Variants in PTPRD observed in about 807,000 individuals in gnomAD.
PTPRD encodes the protein protein tyrosine phosphatase receptor type D.
In PTPRD, 34 loss-of-function variants were observed where a neutral mutation model predicts 214.5. The ratio of observed to expected loss-of-function variants is 0.16; its 90% CI spans 0.12 to 0.21. The LOEUF is 0.21. PTPRD is among the 10% of genes least tolerant of loss of function. The probability of loss-of-function intolerance (pLI) is 1.00; values close to 1 mark genes in which losing one functional copy is unlikely to be tolerated. For missense variants in PTPRD, 2,545 were observed against 2,398.7 expected, an observed-to-expected ratio of 1.06 and a Z score of -1.27; for synonymous variants, 1,128 against 845.7, an observed-to-expected ratio of 1.33 and a Z score of -5.79.
intron 3 of PTPRD, among the ~76,000 whole-genome samples, chr9:10,105,833 C>A (rs897110098): frequency 6.6e-6 from 1 of 151,456 alleles, no homozygotes; most frequent in Non-Finnish European, 1.5e-5. Flanking sequence ...GATTTCAGGA[C>A]CCCTGCAATA....
intron 7 of PTPRD, among the ~76,000 whole-genome samples, chr9:9,606,826 C>T (rs1246699084): frequency 6.6e-6 from 1 of 151,650 alleles, no homozygotes; most frequent in African/African-American, 2.4e-5. Context: ...GATCATCAAG[C>T]ACACACAGAT....
At chr9:9,885,564 G>A (rs1326547214) in intron 5 of PTPRD, among the ~76,000 whole-genome samples, 1 of 152,012 alleles carries the variant, frequency 6.6e-6, no homozygotes, top group Non-Finnish European at 1.5e-5. Flanking sequence ...GAGATGGGGG[G>A]ACTAGTCTGA....
intron 4 of PTPRD, among the ~76,000 whole-genome samples, chr9:10,017,018 G>A (rs1359534880): frequency 6.6e-6 from 1 of 152,076 alleles, no homozygotes; most frequent in African/African-American, 2.4e-5. Context: ...TTGTGTCACG[G>A]TTGAAACACC....
At chr9:9,741,803 G>A (rs2098405991) in intron 6 of PTPRD, among the ~76,000 whole-genome samples, 2 of 152,216 alleles carry the variant, frequency 1.3e-5, no homozygotes, top group East Asian at 1.9e-4. Context: ...TTTTATGGCT[G>A]CATAGTATTC....
intron 9 of PTPRD, among the ~76,000 whole-genome samples, chr9:9,202,698 C>T (rs543809452): frequency 6.6e-6 from 1 of 152,126 alleles, no homozygotes; most frequent in South Asian, 2.1e-4. Flanking sequence ...AAAATATGTT[C>T]CTACCAAATG....
At chr9:10,485,395 G>C (rs1589232279) in intron 2 of PTPRD, among the ~76,000 whole-genome samples, 1 of 151,964 alleles carries the variant, frequency 6.6e-6, no homozygotes, top group Non-Finnish European at 1.5e-5. Context: ...ATTTCTATGA[G>C]AAATGTCATT....
chr9:10,502,770 T>G (rs182313559), intron 2 of PTPRD, among the ~76,000 whole-genome samples: 1 of 152,048 alleles, frequency 6.6e-6, no homozygotes, highest in Non-Finnish European at 1.5e-5. Context: ...AAGAAACCAG[T>G]TGACCCATAA....
At chr9:8,512,446 C>G (rs1031676822) in intron 21 of PTPRD, among the ~76,000 whole-genome samples, 2 of 151,968 alleles carry the variant, frequency 1.3e-5, no homozygotes, top group African/African-American at 4.8e-5. Flanking sequence ...GGACTCATAA[C>G]TTTGGTTATT....
chr9:9,575,642 C>T (rs2088271244), intron 7 of PTPRD, among the ~76,000 whole-genome samples: 1 of 140,284 alleles, frequency 7.1e-6, no homozygotes, highest in Admixed American at 8.0e-5. Context: ...ATCACTGGAA[C>T]CCGGGAGGTG....
At chr9:10,230,860 C>G (rs140468360) in intron 3 of PTPRD, among the ~76,000 whole-genome samples, 1 of 151,984 alleles carries the variant, frequency 6.6e-6, no homozygotes, top group African/African-American at 2.4e-5. Flanking sequence ...GGAGCACTGT[C>G]CAGCCCAGAG....
intron 11 of PTPRD, among the ~76,000 whole-genome samples, chr9:8,771,111 G>C (rs1372380343): frequency 6.7e-6 from 1 of 149,460 alleles, no homozygotes; most frequent in African/African-American, 2.5e-5. Flanking sequence ...AACCTGGGAG[G>C]CAGAGCTTGC....
chr9:10,283,898 T>C (rs1355784982), intron 3 of PTPRD, among the ~76,000 whole-genome samples: 1 of 152,174 alleles, frequency 6.6e-6, no homozygotes, highest in Non-Finnish European at 1.5e-5. Context: ...AAGTCCTATA[T>C]GTTGCACCAT....
At chr9:8,493,165 T>A (rs1375049763) in intron 26 of PTPRD, among the ~76,000 whole-genome samples, 186 bp from the exon 27 acceptor site, 2 of 152,312 alleles carry the variant, frequency 1.3e-5, no homozygotes, top group South Asian at 4.1e-4. Context: ...CGAAGGGGCA[T>A]CTTCAGGCAT....
chr9:8,791,312 G>T (rs1012034460), intron 11 of PTPRD, among the ~76,000 whole-genome samples: 1 of 151,720 alleles, frequency 6.6e-6, no homozygotes, highest in African/African-American at 2.4e-5. Flanking sequence ...TGCAAACTCC[G>T]CCTCCCAGGT....
intron 10 of PTPRD, among the ~76,000 whole-genome samples, chr9:9,086,285 A>C (rs983059055): frequency 3.3e-5 from 5 of 152,164 alleles, no homozygotes; most frequent in African/African-American, 4.8e-5. Flanking sequence ...TGAGAAGCAT[A>C]GTAGTTTTAG....
chr9:9,540,924 A>G (rs1371203422), intron 8 of PTPRD, among the ~76,000 whole-genome samples: 1 of 151,898 alleles, frequency 6.6e-6, no homozygotes, highest in Admixed American at 6.6e-5. Flanking sequence ...ACTAAGAACA[A>G]TAGATAAGCT....
chr9:8,760,577 T>C (rs1565859228), intron 11 of PTPRD, among the ~76,000 whole-genome samples: 1 of 151,510 alleles, frequency 6.6e-6, no homozygotes, highest in East Asian at 1.9e-4. Flanking sequence ...ATTTTCTCTC[T>C]CCCTTGCTCC....
intron 37 of PTPRD, among the ~76,000 whole-genome samples, chr9:8,381,982 A>T (rs1189728004): frequency 6.6e-6 from 1 of 152,150 alleles, no homozygotes; most frequent in East Asian, 1.9e-4. Context: ...TCCTCAGAGT[A>T]TCCACCTCAG....
rs2132818684 is a variant in PTPRD, at chr9:8,440,528, T to A, written c.3989-3839A>T. Among the ~76,000 whole-genome samples, 3 of 152,304 alleles carry A rather than the reference T, an allele frequency of 2.0e-5. 1 individual carries two copies. The Middle Eastern group carries it at 0.01, about 518-fold the overall frequency. On this transcript the variant is annotated intron_variant, in intron 34 of 45. Coordinates refer to ENST00000381196, the MANE Select transcript of PTPRD (RefSeq NM_002839.4). ...TGGGGTTTCACCATGTTGGTCAGGC[T>A]GGTCTCAAACTCCTGACCTCATGAT...
Sources: gnomAD v4.1 joint callset for allele counts (sites outside exome capture counted in the v4.1 genomes callset) on GRCh38, gnomAD v4.1.1 for gene constraint, MANE v1.5 for transcripts, NCBI Gene and HGNC (gene_info 2026-07-23, HGNC 2026-07-21) for gene names.